Variants in PLEKHA8 observed in about 807,000 individuals in gnomAD.
PLEKHA8 encodes the protein pleckstrin homology domain-containing family A member 8.
In PLEKHA8, 36 loss-of-function variants were observed where a neutral mutation model predicts 68.2. The observed-to-expected ratio is 0.53, with a 90% CI of 0.40 to 0.70. The LOEUF (loss-of-function observed/expected upper bound fraction) is 0.70. Among genes scored for constraint, PLEKHA8 ranks in the 30% least tolerant of loss-of-function variants. PLEKHA8 has a pLI of 0.00. For synonymous variants in PLEKHA8, 211 were observed against 216.1 expected (o/e 0.98, Z 0.20); for missense variants, 505 against 615.4 (o/e 0.82, Z 1.90).
Position 30,083,446 on chromosome 7 carries a change from T to C in PLEKHA8, c.*4659T>C. 1 of 985,304 alleles carries C rather than the reference T, an allele frequency of 1.0e-6. No individual in the cohort carries two copies. Among genetic ancestry groups the C allele is most frequent in the Non-Finnish European group, 1.2e-6 (1 of 829,826 alleles). 61.0% of individuals were successfully genotyped at this position (985,304 alleles called of 1,614,324 possible). A position where few individuals can be genotyped will look rare whatever the true frequency, so the allele number is the denominator to read the frequency against. ...CTGTTTACTAGACCTTCCCTGTAAA[T>C]GTTCCCAATTCCCATCCTGTCTCAG... On this transcript the variant is annotated 3_prime_UTR_variant, in exon 14 of 14. Transcript: ENST00000449726.
chr7:30,071,396 C>G (rs1158252260), intron 12 of PLEKHA8, among the ~76,000 whole-genome samples: 2 of 152,222 alleles, frequency 1.3e-5, no homozygotes, highest in African/African-American at 4.8e-5. Context: ...CCATCTACCA[C>G]TCTGCTCTCT....
chr7:30,057,202 C>T (rs1291887728), intron 9 of PLEKHA8, among the ~76,000 whole-genome samples: 4 of 152,130 alleles, frequency 2.6e-5, no homozygotes, highest in Middle Eastern at 6.8e-3. Flanking sequence ...CTGTGTCACT[C>T]AGCCTGAAAT....
intron 9 of PLEKHA8, among the ~76,000 whole-genome samples, chr7:30,056,793 ATATGT>A (rs1793016080): frequency 7.1e-6 from 1 of 140,336 alleles, no homozygotes; most frequent in Admixed American, 7.4e-5. Flanking sequence ...GTGTATATAT[ATATGT>A]TATGTGTATA....
At chr7:30,112,695 A>ACAGACC (rs1796310296) in intron 13 of PLEKHA8, among the ~76,000 whole-genome samples, 1 of 151,302 alleles carries the variant, frequency 6.6e-6, no homozygotes, top group South Asian at 2.1e-4. Flanking sequence ...AGCCTGGGTG[A>ACAGACC]CAGACCCAGA....
chr7:30,073,563 T>TAAAAAAAAA (rs35738941), intron 12 of PLEKHA8, among the ~76,000 whole-genome samples: 43 of 111,764 alleles, frequency 3.8e-4, no homozygotes, highest in African/African-American at 1.5e-3. Context: ...TTGTGTTTCT[T>TAAAAAAAAA]AAAAAAAAAA....
chr7:30,059,536 G>T (rs975557216), intron 9 of PLEKHA8, among the ~76,000 whole-genome samples: 1 of 150,962 alleles, frequency 6.6e-6, no homozygotes, highest in Non-Finnish European at 1.5e-5. Context: ...TATGTTCTTT[G>T]TTCCCTTTTT....
At chr7:30,118,735 G>T (rs1213864484) in intron 13 of PLEKHA8, among the ~76,000 whole-genome samples, 1 of 152,078 alleles carries the variant, frequency 6.6e-6, no homozygotes, top group East Asian at 1.9e-4. Flanking sequence ...CCGCCGCCAC[G>T]CCTGGCTAAT....
chr7:30,108,555 T>G (rs1009785181), intron 13 of PLEKHA8, among the ~76,000 whole-genome samples: 1 of 152,214 alleles, frequency 6.6e-6, no homozygotes, highest in African/African-American at 2.4e-5. Flanking sequence ...ATTCAAGTTA[T>G]AAATCTAACC....
chr7:30,107,842 G>T (rs1474974682), intron 13 of PLEKHA8, among the ~76,000 whole-genome samples: 1 of 152,028 alleles, frequency 6.6e-6, no homozygotes, highest in Non-Finnish European at 1.5e-5. Flanking sequence ...GCCAAGGTGG[G>T]CAGATCACCT....
intron 12 of PLEKHA8, among the ~76,000 whole-genome samples, chr7:30,067,456 C>T (rs184342477): frequency 1.2e-4 from 19 of 152,004 alleles, no homozygotes; most frequent in Non-Finnish European, 1.9e-4. Flanking sequence ...GGTGACAAAC[C>T]AAGACTCTGT....
At chr7:30,067,339 A>G (rs1583421969) in intron 12 of PLEKHA8, among the ~76,000 whole-genome samples, 1 of 152,182 alleles carries the variant, frequency 6.6e-6, no homozygotes, top group South Asian at 2.1e-4. Flanking sequence ...GTGTGGTGGT[A>G]CCAGCCTGTA....
chr7:30,115,688 GC>G (rs1562557546), intron 13 of PLEKHA8, among the ~76,000 whole-genome samples: 1 of 149,022 alleles, frequency 6.7e-6, no homozygotes, highest in Non-Finnish European at 1.5e-5. Context: ...GCACATACAT[GC>G]ATACACGTAT....
At chr7:30,105,726 G>C (rs563008044) in intron 13 of PLEKHA8, among the ~76,000 whole-genome samples, 5 of 152,232 alleles carry the variant, frequency 3.3e-5, no homozygotes, top group Admixed American at 2.6e-4. Context: ...TAAGTTTACC[G>C]GCCACTCAAG....
At chr7:30,091,346 G>GT (rs1352635562), downstream of PLEKHA8, among the ~76,000 whole-genome samples, 4 of 151,756 alleles carry the variant, frequency 2.6e-5, no homozygotes, top group East Asian at 7.7e-4. Flanking sequence ...GATGGGAGGT[G>GT]TTTTTCTAAA....
chr7:30,074,464 A>G (rs1159052271), intron 13 of PLEKHA8, among the ~76,000 whole-genome samples: 2 of 152,202 alleles, frequency 1.3e-5, no homozygotes, highest in African/African-American at 4.8e-5. Flanking sequence ...ACTCTAGCCA[A>G]TTCCAATGAC....
At chr7:30,034,565 G>T (rs1270070479) in intron 1 of PLEKHA8, among the ~76,000 whole-genome samples, 3 of 152,134 alleles carry the variant, frequency 2.0e-5, no homozygotes, top group East Asian at 1.9e-4. Context: ...TAAAGAAAGG[G>T]TTATGAAGAA....
rs1368512037 is a variant in PLEKHA8, at chr7:30,081,780, C to T, written c.*2993C>T. ...CAAATAAGTAACATTAGGCTAACCC[C>T]TTATGAGACATTTCCACACAATTTC... On this transcript the variant is annotated 3_prime_UTR_variant, in exon 14 of 14. Coordinates refer to ENST00000449726, the MANE Select transcript of PLEKHA8 (RefSeq NM_001197026.2). The T allele has an allele frequency of 1.0e-6, 1 of 985,232 alleles. No homozygotes were observed. 61.0% of individuals were successfully genotyped at this position (985,232 alleles called of 1,614,324 possible).
chr7:30,110,682 T>G (rs1312516065), intron 13 of PLEKHA8, among the ~76,000 whole-genome samples: 1 of 152,210 alleles, frequency 6.6e-6, no homozygotes, highest in Non-Finnish European at 1.5e-5. Context: ...CCATCAACGC[T>G]TGTTATCATC....
intron 13 of PLEKHA8, among the ~76,000 whole-genome samples, chr7:30,129,019 T>A (rs951142937): frequency 3.9e-5 from 6 of 152,174 alleles, no homozygotes; most frequent in African/African-American, 1.4e-4. Flanking sequence ...CAATAGGCCC[T>A]GCCTCCACCA....
Sources: gnomAD v4.1 joint callset for allele counts (sites outside exome capture counted in the v4.1 genomes callset) on GRCh38, gnomAD v4.1.1 for gene constraint, MANE v1.5 for transcripts, NCBI Gene and HGNC (gene_info 2026-07-23, HGNC 2026-07-21) for gene names.